MCF2L2: variants seen among roughly 807,000 people sequenced by gnomAD.
MCF2L2 encodes the protein MCF.2 cell line derived transforming sequence-like 2, also known as probable guanine nucleotide exchange factor MCF2L2.
In MCF2L2, 102 loss-of-function variants were observed where a neutral mutation model predicts 150.2. That is an observed-to-expected ratio of 0.68 (90% CI 0.58 to 0.80). The LOEUF is 0.80. MCF2L2 is among the 30% of genes least tolerant of loss of function. The pLI is 0.00. For missense variants in MCF2L2, 1,256 were observed against 1,372.8 expected (o/e 0.91, Z 1.34); for synonymous variants, 465 against 491.3 (o/e 0.95, Z 0.71).
intron 1 of MCF2L2, among the ~76,000 whole-genome samples, chr3:183,391,876 C>G (rs1410381204): frequency 6.6e-6 from 1 of 151,834 alleles, no homozygotes; most frequent in Non-Finnish European, 1.5e-5. Flanking sequence ...TTGTTCATAC[C>G]TGAGCATTTT....
At chr3:183,404,083 G>A (rs1192072255) in intron 1 of MCF2L2, among the ~76,000 whole-genome samples, 1 of 84,668 alleles carries the variant, frequency 1.2e-5, no homozygotes, top group African/African-American at 3.0e-5. Context: ...ACAGAAAACT[G>A]TAGAATAAAA....
chr3:183,279,652 T>G (rs748264301), intron 14 of MCF2L2, among the ~76,000 whole-genome samples: 2 of 152,106 alleles, frequency 1.3e-5, no homozygotes, highest in Non-Finnish European at 2.9e-5. Context: ...GAACAGCCCC[T>G]CTCCCCTTAT....
chr3:183,238,976 A>T (rs2108680002), intron 15 of MCF2L2, among the ~76,000 whole-genome samples: 1 of 145,752 alleles, frequency 6.9e-6, no homozygotes, highest in East Asian at 2.0e-4. Flanking sequence ...CAGTCTGGGC[A>T]ACAGAGCGAT....
intron 1 of MCF2L2, among the ~76,000 whole-genome samples, chr3:183,395,664 A>G (rs967973513): frequency 3.9e-5 from 6 of 152,144 alleles, no homozygotes; most frequent in African/African-American, 1.4e-4. Context: ...CATGCCTGTA[A>G]TCCCAACACT....
intron 25 of MCF2L2, among the ~76,000 whole-genome samples, chr3:183,205,111 T>A (rs1353970133): frequency 9.2e-5 from 14 of 152,214 alleles, no homozygotes; most frequent in Non-Finnish European, 1.5e-5. Context: ...CTGGGCGCAG[T>A]GGCTCACACC....
chr3:183,323,271 C>T lies in MCF2L2; in HGVS notation c.567G>A (p.Leu189=). The part of the protein sequence containing the change: ...SQLTRELGGT[L]EYRHGQWVNH... ...TTACCCACTGACCGTGGCGATATTCCAAAGTCCCCCCTAATTCCCGGGTCA... is the reference window on the plus strand; with the variant it reads ...TTACCCACTGACCGTGGCGATATTCTAAAGTCCCCCCTAATTCCCGGGTCA... Residue 189 remains leucine, a synonymous_variant, in exon 6 of 30, where the codon TTG becomes TTA. Coordinates refer to ENST00000328913, the MANE Select transcript of MCF2L2 (RefSeq NM_015078.4). The T allele has an allele frequency of 6.2e-7, 1 of 1,613,616 alleles. No homozygotes were observed.
In MCF2L2 at chr3:183,178,827, T is replaced by C; in HGVS notation, c.*553A>G. 1 of 152,426 alleles carries C rather than the reference T, an allele frequency of 6.6e-6. No homozygotes were observed. The highest frequency in any genetic ancestry group is 1.9e-4 in the East Asian group (1 of 5,206). 9.4% of individuals were successfully genotyped at this position (152,426 alleles called of 1,614,324 possible). On this transcript the variant is annotated 3_prime_UTR_variant, in exon 30 of 30. Coordinates refer to ENST00000328913, the MANE Select transcript of MCF2L2 (RefSeq NM_015078.4). ...ACCCCATGAACGCTCGCAGGGATGC[T>C]GGGAGGCGGACCGGGAGCTCCCAGT...
intron 15 of MCF2L2, among the ~76,000 whole-genome samples, chr3:183,246,945 T>C (rs1290868209): frequency 6.6e-6 from 1 of 152,218 alleles, no homozygotes; most frequent in Non-Finnish European, 1.5e-5. Flanking sequence ...TTATCTTACT[T>C]GATCCATTAA....
At chr3:183,415,746 C>A (rs1161615822) in intron 1 of MCF2L2, among the ~76,000 whole-genome samples, 1 of 151,916 alleles carries the variant, frequency 6.6e-6, no homozygotes, top group Non-Finnish European at 1.5e-5. Flanking sequence ...TTTTTTATAT[C>A]TTTGAATATA....
chr3:183,391,976 C>T (rs1156632879), intron 1 of MCF2L2, among the ~76,000 whole-genome samples: 1 of 152,110 alleles, frequency 6.6e-6, no homozygotes, highest in African/African-American at 2.4e-5. Flanking sequence ...CAGCCTTGAA[C>T]TCCTGTGCTC....
chr3:183,353,189 T>C (rs998879034), intron 3 of MCF2L2, among the ~76,000 whole-genome samples: 1 of 152,186 alleles, frequency 6.6e-6, no homozygotes, highest in Non-Finnish European at 1.5e-5. Flanking sequence ...TCTTAAGTGA[T>C]TCATGAATAA....
At chr3:183,340,517 G>T (rs1730655491) in intron 4 of MCF2L2, among the ~76,000 whole-genome samples, 1 of 152,040 alleles carries the variant, frequency 6.6e-6, no homozygotes, top group Non-Finnish European at 1.5e-5. Context: ...AACAGATAGG[G>T]ATCAAAATCA....
At chr3:183,313,915 C>T (rs545205755) in intron 7 of MCF2L2, among the ~76,000 whole-genome samples, 1 of 152,292 alleles carries the variant, frequency 6.6e-6, no homozygotes, top group East Asian at 1.9e-4. Flanking sequence ...ATCCAACTGG[C>T]AGACGAGGTG....
chr3:183,208,941 T>C (rs189184150), intron 22 of MCF2L2, among the ~76,000 whole-genome samples: 2 of 152,374 alleles, frequency 1.3e-5, no homozygotes, highest in African/African-American at 4.8e-5. Flanking sequence ...ATGGTGTCTA[T>C]GGCGTTATTT....
chr3:183,392,318 A>C (rs1332241549), intron 1 of MCF2L2, among the ~76,000 whole-genome samples: 1 of 152,092 alleles, frequency 6.6e-6, no homozygotes, highest in East Asian at 1.9e-4. Context: ...ACCTGACGCT[A>C]AGAGGGCAAA....
intron 10 of MCF2L2, among the ~76,000 whole-genome samples, chr3:183,302,911 C>T (rs1216403728): frequency 6.6e-6 from 1 of 152,164 alleles, no homozygotes; most frequent in Non-Finnish European, 1.5e-5. Context: ...TTCCTCCCTC[C>T]TGGCTGGGCG....
intron 1 of MCF2L2, among the ~76,000 whole-genome samples, chr3:183,417,906 C>T (rs1471194248): frequency 6.6e-6 from 1 of 152,104 alleles, no homozygotes; most frequent in East Asian, 1.9e-4. Context: ...ACTTTTAAAA[C>T]CATCAAATCT....
At chr3:183,200,874 A>G (rs1351114816) in intron 25 of MCF2L2, among the ~76,000 whole-genome samples, 2 of 152,190 alleles carry the variant, frequency 1.3e-5, no homozygotes, top group African/African-American at 2.4e-5. Context: ...TATTTATTAA[A>G]TAGGGAATCC....
chr3:183,325,555 A>C (rs1345654829), intron 5 of MCF2L2, among the ~76,000 whole-genome samples: 1 of 152,238 alleles, frequency 6.6e-6, no homozygotes, highest in Non-Finnish European at 1.5e-5. Context: ...TTCTTTCTAA[A>C]ATTAGAAATT....
Sources: allele counts gnomAD v4.1 joint callset (sites outside exome capture counted in the v4.1 genomes callset), GRCh38; gene constraint gnomAD v4.1.1; transcripts MANE v1.5; gene names NCBI Gene and HGNC (gene_info 2026-07-23, HGNC 2026-07-21).